Variants in PTPN4 observed in about 807,000 individuals in gnomAD.
PTPN4 encodes the protein tyrosine-protein phosphatase non-receptor type 4.
PTPN4 carries 49 observed loss-of-function variants against 135.5 expected under a neutral mutation model. The observed-to-expected ratio is 0.36, with a 90% CI of 0.29 to 0.46. PTPN4 has a LOEUF of 0.46. Ranked by LOEUF, PTPN4 falls within the 20% of genes least tolerant of loss-of-function variation. The pLI is 1.00. For missense variants in PTPN4, 860 were observed against 1,101.0 expected (o/e 0.78, Z 3.10); for synonymous variants, 333 against 369.9 (o/e 0.90, Z 1.14).
chr2:119,768,828 T>C (rs1320534126), intron 1 of PTPN4, among the ~76,000 whole-genome samples: 1 of 152,140 alleles, frequency 6.6e-6, no homozygotes, highest in African/African-American at 2.4e-5. Context: ...GGACAGAAAT[T>C]TGTTAGAAAG....
At chr2:119,802,161 C>A (rs113274176) in intron 1 of PTPN4, among the ~76,000 whole-genome samples, 2 of 152,226 alleles carry the variant, frequency 1.3e-5, no homozygotes, top group African/African-American at 4.8e-5. Flanking sequence ...CCTTAGCCTC[C>A]CAAAGTGCTG....
chr2:119,783,172 C>T (rs1478313555), intron 1 of PTPN4, among the ~76,000 whole-genome samples: 1 of 152,074 alleles, frequency 6.6e-6, no homozygotes, highest in African/African-American at 2.4e-5. Flanking sequence ...TTCATTTTTG[C>T]AGTAAGGACG....
At chr2:119,785,787 CAG>C (rs2104931812) in intron 1 of PTPN4, among the ~76,000 whole-genome samples, 1 of 152,030 alleles carries the variant, frequency 6.6e-6, no homozygotes, top group South Asian at 2.1e-4. Context: ...TGTGAGCAAT[CAG>C]AGCTTTCCTG....
At chr2:119,794,420 G>A (rs10165049) in intron 1 of PTPN4, among the ~76,000 whole-genome samples, 41,006 of 152,024 alleles carry the variant, frequency 0.27, 5,612 homozygotes, top group South Asian at 0.33. Flanking sequence ...AGCAAGGCGT[G>A]TGTGGAGCTG....
intron 14 of PTPN4, among the ~76,000 whole-genome samples, chr2:119,933,642 C>T (rs1467345774): frequency 1.4e-5 from 2 of 146,236 alleles, no homozygotes; most frequent in African/African-American, 5.1e-5. Context: ...CAGCCTGGAC[C>T]ACAGAGTGAG....
intron 3 of PTPN4, among the ~76,000 whole-genome samples, chr2:119,868,194 A>G (rs569714496): frequency 1.3e-4 from 20 of 152,220 alleles, no homozygotes; most frequent in Non-Finnish European, 2.4e-4. Context: ...AAATATTTAA[A>G]GATGCATCCA....
intron 12 of PTPN4, among the ~76,000 whole-genome samples, chr2:119,926,176 G>A (rs1272317469): frequency 6.6e-6 from 1 of 152,132 alleles, no homozygotes; most frequent in Non-Finnish European, 1.5e-5. Flanking sequence ...TCAAATAAAT[G>A]CTCTGAGAAC....
intron 9 of PTPN4, among the ~76,000 whole-genome samples, chr2:119,891,910 A>G (rs1479978775): frequency 6.6e-6 from 1 of 152,050 alleles, no homozygotes. Context: ...TGCTGCTTAT[A>G]TTTGAATTTG....
At chr2:119,870,611 G>A (rs1480854398) in intron 3 of PTPN4, among the ~76,000 whole-genome samples, 1 of 152,088 alleles carries the variant, frequency 6.6e-6, no homozygotes, top group Non-Finnish European at 1.5e-5. Context: ...AAAATAGTGT[G>A]TTCTTAGTAT....
chr2:119,892,928 A>G (rs953461437), intron 9 of PTPN4, among the ~76,000 whole-genome samples: 2 of 147,400 alleles, frequency 1.4e-5, no homozygotes, highest in African/African-American at 2.5e-5. Context: ...GAGTCTTGCT[A>G]TGTTGCTCAG....
In PTPN4 at chr2:119,981,224, T is replaced by A. The variant is rs374595268; in HGVS notation, c.*4154T>A. ...GTAAATAAAGTATATTAAATATTTGTTGGAATAAAAATCTCAATGTAATAG... is the reference window on the plus strand; with the variant it reads ...GTAAATAAAGTATATTAAATATTTGATGGAATAAAAATCTCAATGTAATAG... On this transcript the variant is annotated 3_prime_UTR_variant, in exon 27 of 27. Coordinates refer to ENST00000263708, the MANE Select transcript of PTPN4 (RefSeq NM_002830.4). The A allele has an allele frequency of 1.6e-4, 25 of 152,216 alleles. No individual in the cohort carries two copies. Among genetic ancestry groups the A allele is most frequent in the African/African-American group, 4.8e-4 (20 of 41,572 alleles). 9.4% of individuals were successfully genotyped at this position (152,216 alleles called of 1,614,324 possible). A position where few individuals can be genotyped will look rare whatever the true frequency, so the allele number is the denominator to read the frequency against.
intron 9 of PTPN4, among the ~76,000 whole-genome samples, chr2:119,898,362 TATC>T (rs1429597651): frequency 1.3e-5 from 2 of 152,172 alleles, no homozygotes; most frequent in Non-Finnish European, 2.9e-5. Flanking sequence ...ACACAAAACA[TATC>T]ATAAAAATGG....
In PTPN4 at chr2:119,962,591, T is replaced by C. The variant is rs1236683853; in HGVS notation, c.2281-25T>C. The C allele has an allele frequency of 4.1e-6, 5 of 1,229,318 alleles. No individual in the cohort carries two copies. The East Asian group carries it at 1.5e-4, about 37-fold the overall frequency. 76.2% of individuals were successfully genotyped at this position (1,229,318 alleles called of 1,614,324 possible). A position where few individuals can be genotyped will look rare whatever the true frequency, so the allele number is the denominator to read the frequency against. ...GAATCCATATGTATATAATTTTATTTATTATTTATTTATATCAATATCAGG... is the reference window on the plus strand; with the variant it reads ...GAATCCATATGTATATAATTTTATTCATTATTTATTTATATCAATATCAGG... On this transcript the variant is annotated intron_variant, in intron 23 of 26. Transcript: ENST00000263708.
At chr2:119,869,252 A>G (rs560340436) in intron 3 of PTPN4, among the ~76,000 whole-genome samples, 1 of 152,344 alleles carries the variant, frequency 6.6e-6, no homozygotes, top group African/African-American at 2.4e-5. Context: ...ACTGATTGCA[A>G]AGAAGCACAG....
chr2:119,964,401 A>G (rs1679418210), intron 24 of PTPN4, among the ~76,000 whole-genome samples: 1 of 152,266 alleles, frequency 6.6e-6, no homozygotes, highest in Non-Finnish European at 1.5e-5. Flanking sequence ...CTCTCCAAAA[A>G]GAATTAATCC....
At chr2:119,942,348 TACAG>T (rs1679072232) in intron 15 of PTPN4, among the ~76,000 whole-genome samples, 1 of 152,188 alleles carries the variant, frequency 6.6e-6, no homozygotes, top group African/African-American at 2.4e-5. Flanking sequence ...GATAGGCCCA[TACAG>T]GTTTGGCTCA....
At position 119,984,675 on chromosome 2, in the gene PTPN4, G is replaced by A. The variant is rs778981959; in HGVS notation, c.*7605G>A. On this transcript the variant is annotated 3_prime_UTR_variant, in exon 27 of 27. Transcript: ENST00000263708. ...AAAAATTAGAATTTCTGCCATTCAT[G>A]TACAAAAAAATTACAACTACAGCAA... Among the ~76,000 whole-genome samples, 14 of 152,228 alleles carry A rather than the reference G, an allele frequency of 9.2e-5. No individual in the cohort carries two copies. Among genetic ancestry groups the A allele is most frequent in the Non-Finnish European group, 1.5e-4 (10 of 68,008 alleles).
intron 13 of PTPN4, among the ~76,000 whole-genome samples, chr2:119,928,115 A>G (rs1460147749): frequency 1.3e-5 from 2 of 152,118 alleles, no homozygotes; most frequent in Non-Finnish European, 2.9e-5. Flanking sequence ...TTTGTTTCCA[A>G]ATTGTTTTAA....
At chr2:119,917,293 A>G (rs1202973005) in intron 11 of PTPN4, among the ~76,000 whole-genome samples, 1 of 151,254 alleles carries the variant, frequency 6.6e-6, no homozygotes, top group Non-Finnish European at 1.5e-5. Flanking sequence ...GCTAACTGAC[A>G]ATTGATTAAA....
Sources: gnomAD v4.1 joint callset for allele counts (sites outside exome capture counted in the v4.1 genomes callset) on GRCh38, gnomAD v4.1.1 for gene constraint, MANE v1.5 for transcripts, NCBI Gene and HGNC (gene_info 2026-07-23, HGNC 2026-07-21) for gene names.